The following ASAP2 variants were observed in gnomAD, a reference collection of about 807,000 sequenced individuals.
ASAP2 encodes ArfGAP with SH3 domain, ankyrin repeat and PH domain 2.
A neutral mutation model predicts 131.4 loss-of-function variants in ASAP2; 45 were observed. The observed-to-expected ratio is 0.34, with a 90% confidence interval of 0.27 to 0.44. The LOEUF (loss-of-function observed/expected upper bound fraction) is 0.44, where lower values mean the gene tolerates loss of function less well. Among genes scored for constraint, ASAP2 ranks in the 20% least tolerant of loss-of-function variants. The pLI is 1.00. For synonymous variants in ASAP2, 510 were observed against 503.0 expected, an observed-to-expected ratio of 1.01 and a Z score of -0.19; for missense variants, 1,011 against 1,297.0, an observed-to-expected ratio of 0.78 and a Z score of 3.39.
intron 14 of ASAP2, among the ~76,000 whole-genome samples, chr2:9,356,758 G>C (rs1350200827): frequency 6.6e-6 from 1 of 152,204 alleles, no homozygotes; most frequent in Non-Finnish European, 1.5e-5. Context: ...TTAAGCCGCT[G>C]TCTGGCTCTG....
At chr2:9,239,727 G>C (rs985504943) in intron 1 of ASAP2, among the ~76,000 whole-genome samples, 1 of 152,006 alleles carries the variant, frequency 6.6e-6, no homozygotes, top group African/African-American at 2.4e-5. Flanking sequence ...TGTAATGGCA[G>C]CATCTTTTTT....
intron 2 of ASAP2, among the ~76,000 whole-genome samples, chr2:9,286,447 A>AAAAAATATATATAT (rs58605449): frequency 3.2e-4 from 47 of 148,476 alleles, no homozygotes; most frequent in African/African-American, 1.2e-3. Context: ...GAAAAAAAAA[A>AAAAAATATATATAT]ATATATATAT....
At chr2:9,325,307 G>A (rs1255687230) in intron 6 of ASAP2, among the ~76,000 whole-genome samples, 2 of 152,172 alleles carry the variant, frequency 1.3e-5, no homozygotes, top group African/African-American at 4.8e-5. Flanking sequence ...ACAGGGACTA[G>A]GAAACTGCTG....
chr2:9,306,390 G>A (rs1320891275), intron 3 of ASAP2, among the ~76,000 whole-genome samples: 1 of 151,748 alleles, frequency 6.6e-6, no homozygotes, highest in Non-Finnish European at 1.5e-5. Flanking sequence ...GCCTGCGAGG[G>A]GCCTCAGGGA....
chr2:9,297,119 G>C (rs1047318959), intron 2 of ASAP2, among the ~76,000 whole-genome samples, 181 bp from the exon 3 acceptor site: 1 of 152,190 alleles, frequency 6.6e-6, no homozygotes, highest in African/African-American at 2.4e-5. Flanking sequence ...TTTGGGATCT[G>C]TTGCCGGCAC....
At chr2:9,253,451 A>G (rs1017366663) in intron 1 of ASAP2, among the ~76,000 whole-genome samples, 3 of 152,176 alleles carry the variant, frequency 2.0e-5, no homozygotes, top group Non-Finnish European at 2.9e-5. Context: ...GGCATGAACC[A>G]CTGTGCCCGG....
At chr2:9,226,464 C>G (rs1662776218) in intron 1 of ASAP2, among the ~76,000 whole-genome samples, 1 of 152,174 alleles carries the variant, frequency 6.6e-6, no homozygotes, top group Non-Finnish European at 1.5e-5. Context: ...TGCCTCATTT[C>G]TTGATCTGAG....
intron 3 of ASAP2, among the ~76,000 whole-genome samples, chr2:9,305,260 G>A (rs866689238): frequency 3.8e-3 from 577 of 151,144 alleles, no homozygotes; most frequent in African/African-American, 0.011. Flanking sequence ...ATTGGTGGAG[G>A]GGCTGTAATA....
chr2:9,289,368 G>A (rs914005907), intron 2 of ASAP2, among the ~76,000 whole-genome samples: 10 of 152,296 alleles, frequency 6.6e-5, no homozygotes, highest in African/African-American at 2.4e-4. Flanking sequence ...GGCTCTGTTT[G>A]ATGAATCTTT....
chr2:9,385,667 A>C (rs892078493), intron 21 of ASAP2, among the ~76,000 whole-genome samples: 8 of 152,182 alleles, frequency 5.3e-5, no homozygotes, highest in African/African-American at 1.7e-4. Flanking sequence ...GTCTCTTGCT[A>C]TGGAGTCATG....
intron 1 of ASAP2, among the ~76,000 whole-genome samples, chr2:9,222,649 G>A (rs983832520): frequency 1.3e-5 from 2 of 152,112 alleles, no homozygotes; most frequent in African/African-American, 4.8e-5. Context: ...CTGGAGCATC[G>A]GGCTGTCAGA....
At chr2:9,260,735 A>T (rs1665521392) in intron 1 of ASAP2, among the ~76,000 whole-genome samples, 1 of 151,902 alleles carries the variant, frequency 6.6e-6, no homozygotes, top group African/African-American at 2.4e-5. Context: ...AGTCTTTTGG[A>T]TGGGAAACAG....
rs1235255629 is a variant in ASAP2 at position 9,232,459 on chromosome 2, ACTGT to A, written c.126+25236_126+25239del. On this transcript the variant is annotated intron_variant, in intron 1 of 27. Transcript: ENST00000281419. The surrounding 1 kb of genome is among the most constrained non-coding windows in gnomAD (Gnocchi z 4.1). ...ATTATACTGTCTGTATCTGTTATTT[ACTGT>A]CTGTCTTTGACAAACTATGATCTTG... Among the ~76,000 whole-genome samples, 1 of 152,290 alleles carries A rather than the reference ACTGT, an allele frequency of 6.6e-6. No individual in the cohort carries two copies. The highest frequency in any genetic ancestry group is 1.5e-5 in the Non-Finnish European group (1 of 68,024).
chr2:9,368,544 A>G (rs776627886), intron 16 of ASAP2, 25 bp downstream of exon 16: 3 of 1,601,878 alleles, frequency 1.9e-6, no homozygotes, highest in East Asian at 2.2e-5. Context: ...GGCTATTCTC[A>G]TTTGCTGAGT....
intron 9 of ASAP2, among the ~76,000 whole-genome samples, chr2:9,337,568 T>G (rs1245421338): frequency 1.3e-5 from 2 of 152,228 alleles, no homozygotes; most frequent in Non-Finnish European, 2.9e-5. Flanking sequence ...TGATAGAAAT[T>G]AAGTAACATG....
Position 9,240,448 on chromosome 2 carries a change from G to GT in ASAP2, c.126+33221dup, listed in dbSNP as rs1220757046. Among the ~76,000 whole-genome samples the GT allele has an allele frequency of 2.0e-5, 3 of 151,776 alleles. No individual in the cohort carries two copies. In the East Asian group the frequency reaches 5.8e-4, roughly 29 times the overall value. ...TTTTGTAGAGATGGGGTTTCTCCAT[G>GT]TTTCCCAGGCTGGTCTCAAACTCCT... On this transcript the variant is annotated intron_variant, in intron 1 of 27. Transcript: ENST00000281419.
chr2:9,359,713 G>T (rs1343911403), intron 15 of ASAP2, among the ~76,000 whole-genome samples: 1 of 152,224 alleles, frequency 6.6e-6, no homozygotes, highest in African/African-American at 2.4e-5. Context: ...TGTGGACCAT[G>T]TTCCTCTCAA....
intron 3 of ASAP2, among the ~76,000 whole-genome samples, chr2:9,310,541 C>A (rs1047474945): frequency 6.6e-6 from 1 of 152,182 alleles, no homozygotes; most frequent in Non-Finnish European, 1.5e-5. Context: ...TAGCTTCAGG[C>A]TTCTAGATGG....
At chr2:9,253,665 G>A (rs1664886675) in intron 1 of ASAP2, among the ~76,000 whole-genome samples, 1 of 152,112 alleles carries the variant, frequency 6.6e-6, no homozygotes, top group Non-Finnish European at 1.5e-5. Context: ...GAATGATAGG[G>A]TATGTAACCT....
Sources: allele counts gnomAD v4.1 joint callset (sites outside exome capture counted in the v4.1 genomes callset), GRCh38; gene constraint gnomAD v4.1.1; non-coding constraint Gnocchi (gnomAD v3.1); transcripts MANE v1.5; gene names NCBI Gene and HGNC (gene_info 2026-07-23, HGNC 2026-07-21).